The following TLCD3B variants were observed in gnomAD, a reference collection of about 807,000 sequenced individuals.
The protein encoded by TLCD3B is TLC domain containing 3B.
TLCD3B carries 9 observed loss-of-function variants against 23.0 expected under a neutral mutation model. That is an observed-to-expected ratio of 0.39 (90% CI 0.24 to 0.68). The LOEUF (loss-of-function observed/expected upper bound fraction) is 0.68, where lower values mean the gene tolerates loss of function less well. Among genes scored for constraint, TLCD3B ranks in the 30% least tolerant of loss-of-function variants. TLCD3B has a pLI of 0.44. For missense variants in TLCD3B, 307 were observed against 371.8 expected, an observed-to-expected ratio of 0.83 and a Z score of 1.43; for synonymous variants, 161 against 161.0, an observed-to-expected ratio of 1.00 and a Z score of 0.00.
At position 30,030,616 on chromosome 16, in the gene TLCD3B, C is replaced by A; in HGVS notation, c.-89G>T. 1 of 1,363,870 alleles carries A rather than the reference C, an allele frequency of 7.3e-7. No individual in the cohort carries two copies. Among genetic ancestry groups the A allele is most frequent in the Non-Finnish European group, 9.5e-7 (1 of 1,053,942 alleles). 84.5% of individuals were successfully genotyped at this position (1,363,870 alleles called of 1,614,324 possible). On this transcript the variant is annotated 5_prime_UTR_variant, in exon 1 of 5. Transcript: ENST00000380495. The stretch of plus-strand genomic sequence containing the variant: ...GGAGTTAGGGGTGGAGAAGGGACGC[C>A]AAGCCCGGGAAGGAGGGAGAAAACG...
upstream of TLCD3B, chr16:30,035,426 GTGAAGCA>G: frequency 7.8e-7 from 1 of 1,289,656 alleles, no homozygotes; most frequent in Non-Finnish European, 1.0e-6. Context: ...GCGCAGGGCA[GTGAAGCA>G]CAACGGGAAG....
chr16:30,030,660 G>A lies in TLCD3B; in HGVS notation c.-133C>T. On this transcript the variant is annotated 5_prime_UTR_variant, in exon 1 of 5. Coordinates refer to ENST00000380495, the MANE Select transcript of TLCD3B (RefSeq NM_031478.6). Reference sequence around the variant, plus strand: ...GAAAACGATGAGAAGGGGCACAAAGGGGCCAGGGCGGGGACGGGATGGGGC... The same window carrying A: ...GAAAACGATGAGAAGGGGCACAAAGAGGCCAGGGCGGGGACGGGATGGGGC... 1.5e-6 allele frequency: 2 copies of A among 1,346,062 alleles called. No individual in the cohort carries two copies. Among genetic ancestry groups the A allele is most frequent in the East Asian group, 3.1e-5 (1 of 32,614 alleles). 83.4% of individuals were successfully genotyped at this position (1,346,062 alleles called of 1,614,324 possible).
chr16:30,032,766 G>A (rs1318079521), upstream of TLCD3B: 3 of 149,186 alleles, frequency 2.0e-5, no homozygotes, highest in Non-Finnish European at 4.4e-5. Flanking sequence ...TTATACCTCA[G>A]TATCCCCAGT....
At chr16:30,046,687 C>T (rs2071680092) in intron 1 of TLCD3B, 1 of 152,258 alleles carries the variant, frequency 6.6e-6, no homozygotes, top group African/African-American at 2.4e-5. Flanking sequence ...TCCCTTTCTT[C>T]TCACATAGAC....
intron 1 of TLCD3B, chr16:30,046,429 T>A (rs2071674999): frequency 6.6e-6 from 1 of 152,226 alleles, no homozygotes; most frequent in Non-Finnish European, 1.5e-5. Context: ...AGGCTGTGAA[T>A]AAGTAAACAA....
At chr16:30,039,214 C>T (rs2071535848) in intron 3 of TLCD3B, among the ~76,000 whole-genome samples, 1 of 151,064 alleles carries the variant, frequency 6.6e-6, no homozygotes. Context: ...AACGTCGCCT[C>T]CCAGATTCAA....
At chr16:30,033,260 G>A (rs8043883), upstream of TLCD3B, 69,295 of 151,890 alleles carry the variant, frequency 0.46, 15,975 homozygotes, top group African/African-American at 0.48. Flanking sequence ...AAAGAAAACA[G>A]AAAAACCAAA....
chr16:30,026,305 G>T (rs541669085), intron 3 of TLCD3B, among the ~76,000 whole-genome samples: 1 of 152,242 alleles, frequency 6.6e-6, no homozygotes, highest in South Asian at 2.1e-4. Flanking sequence ...TCCCTCTCAC[G>T]GTCCTGCAGA....
rs1462214648 is a variant in TLCD3B, at chr16:30,030,422, C to T, written c.106G>A (p.Ala36Thr). 5 of 1,592,794 alleles carry T rather than the reference C, an allele frequency of 3.1e-6. No individual in the cohort carries two copies. Among genetic ancestry groups the T allele is most frequent in the South Asian group, 1.1e-5 (1 of 88,398 alleles). Residue 36 changes from alanine (A) to threonine (T), a missense_variant, in exon 1 of 5, where the codon GCA (alanine) becomes ACA (threonine). By Grantham distance (58) the Ala-to-Thr change is moderately conservative (BLOSUM62 0). Coordinates refer to ENST00000380495, the MANE Select transcript of TLCD3B (RefSeq NM_031478.6). ...GTTTACCTGGCTGAGACAATGACTG[C>T]GTCGGCCTCCTCCCAGCGTAGCTGG... is the stretch of plus-strand genomic sequence containing the variant. Reference protein sequence around the residue: ...LPQLRWEEADAVIVSARLVSS... With the variant: ...LPQLRWEEADTVIVSARLVSS...
intron 2 of TLCD3B, among the ~76,000 whole-genome samples, chr16:30,043,659 G>T (rs2150995664): frequency 6.6e-6 from 1 of 152,240 alleles, no homozygotes; most frequent in African/African-American, 2.4e-5. Context: ...TCAGAGCACA[G>T]GTTGTGCGTT....
In TLCD3B at chr16:30,040,133, C is replaced by CAAA. The variant is rs1205462051; in HGVS notation, c.-67+859_-67+861dup. Among the ~76,000 whole-genome samples the CAAA allele has an allele frequency of 5.6e-3, 475 of 84,824 alleles. 15 individuals are homozygous for CAAA. Among genetic ancestry groups the CAAA allele is most frequent in the African/African-American group, 0.018 (346 of 19,024 alleles). The allele number at this position is 84,824 out of a possible 152,430, so 55.6% of individuals were successfully genotyped here. A position where few individuals can be genotyped will look rare whatever the true frequency, so the allele number is the denominator to read the frequency against. Reference sequence around the variant, plus strand: ...TGGGCAACACAGCAAGACTTTGTCTCAAAAAAAAAAAAAAATATATATATA... The same window carrying CAAA: ...TGGGCAACACAGCAAGACTTTGTCTCAAAAAAAAAAAAAAAAAATATATATATA... On this transcript the variant is annotated intron_variant, in intron 3 of 6. Transcript: ENST00000561666.
upstream of TLCD3B, chr16:30,035,284 T>G: frequency 7.8e-7 from 1 of 1,276,596 alleles, no homozygotes; most frequent in Non-Finnish European, 1.0e-6. Flanking sequence ...AAACTCATTC[T>G]GAAAGTAAAA....
rs1328649917 is a variant in TLCD3B at position 30,029,687 on chromosome 16, C to A, written c.126-172G>T. Among the ~76,000 whole-genome samples, 1 of 152,224 alleles carries A rather than the reference C, an allele frequency of 6.6e-6. No individual in the cohort carries two copies. The highest frequency in any genetic ancestry group is 1.5e-5 in the Non-Finnish European group (1 of 68,032). On this transcript the variant is annotated intron_variant, in intron 1 of 4. Coordinates refer to ENST00000380495, the MANE Select transcript of TLCD3B (RefSeq NM_031478.6). The surrounding 1 kb of genome is among the most constrained non-coding windows in gnomAD (Gnocchi z 4.6). ...CCTGAGGTGTGCCCCACCACAGGTACCTCACGGCTCTCCGGCCCGCTCGGC... is the reference window on the plus strand; with the variant it reads ...CCTGAGGTGTGCCCCACCACAGGTAACTCACGGCTCTCCGGCCCGCTCGGC...
intron 2 of TLCD3B, among the ~76,000 whole-genome samples, chr16:30,042,415 G>T (rs928905361): frequency 2.0e-5 from 3 of 151,842 alleles, no homozygotes; most frequent in African/African-American, 4.8e-5. Context: ...GTAGAGACGG[G>T]GTTTCACCAT....
At chr16:30,026,536 G>T in intron 3 of TLCD3B, 73 bp downstream of exon 3, 1 of 1,356,140 alleles carries the variant, frequency 7.4e-7, no homozygotes, top group Non-Finnish European at 1.0e-6. Context: ...GGGCTTCCCA[G>T]GCTCCTGCCA....
chr16:30,039,904 G>T (rs1287596163), intron 3 of TLCD3B, among the ~76,000 whole-genome samples: 1 of 151,744 alleles, frequency 6.6e-6, no homozygotes, highest in Non-Finnish European at 1.5e-5. Context: ...GAGGCAGAAG[G>T]GGGTGGATCA....
chr16:30,043,139 G>A (rs1372960079), intron 2 of TLCD3B, among the ~76,000 whole-genome samples: 2 of 152,040 alleles, frequency 1.3e-5, no homozygotes, highest in East Asian at 3.9e-4. Flanking sequence ...GCATTTACTA[G>A]ACATCCGGCA....
rs1179369021 is a variant in TLCD3B at position 30,025,964 on chromosome 16, T to G, written c.445-143A>C. 1.4e-5 allele frequency: 9 copies of G among 660,452 alleles called. No homozygotes were observed. Among genetic ancestry groups the G allele is most frequent in the Non-Finnish European group, 2.4e-5 (9 of 382,094 alleles). The allele number at this position is 660,452 out of a possible 1,614,324, so 40.9% of individuals were successfully genotyped here. On this transcript the variant is annotated intron_variant, in intron 3 of 4. Coordinates refer to ENST00000380495, the MANE Select transcript of TLCD3B (RefSeq NM_031478.6). The surrounding 1 kb of genome is among the most constrained non-coding windows in gnomAD (Gnocchi z 4.1). ...CACCTGGGTGCAGGGCTGGGTGCAG[T>G]GGCTCACGCCGGTAATCCCAGCACT...
At chr16:30,052,600 G>T (rs1447485135) in intron 1 of TLCD3B, among the ~76,000 whole-genome samples, 1 of 152,002 alleles carries the variant, frequency 6.6e-6, no homozygotes, top group Non-Finnish European at 1.5e-5. Context: ...GGGAGGCTGA[G>T]GCAGGTGAAT....
Sources: allele counts gnomAD v4.1 joint callset (sites outside exome capture counted in the v4.1 genomes callset), GRCh38; gene constraint gnomAD v4.1.1; non-coding constraint Gnocchi (gnomAD v3.1); transcripts MANE v1.5; gene names NCBI Gene and HGNC (gene_info 2026-07-23, HGNC 2026-07-21).